STPG2: variants seen among roughly 807,000 people sequenced by gnomAD.
The protein encoded by STPG2 is sperm-tail PG-rich repeat-containing protein 2.
STPG2 carries 56 observed loss-of-function variants against 54.2 expected under a neutral mutation model. That is an observed-to-expected ratio of 1.03 (90% CI 0.83 to 1.29). The LOEUF (loss-of-function observed/expected upper bound fraction) is 1.29, where lower values mean the gene tolerates loss of function less well. STPG2 is among the 50% of genes most tolerant of loss of function. The pLI is 0.00. For synonymous variants in STPG2, 200 were observed against 181.8 expected (o/e 1.10, Z -0.81); for missense variants, 596 against 544.9 (o/e 1.09, Z -0.93).
intron 8 of STPG2, among the ~76,000 whole-genome samples, chr4:97,906,544 C>A (rs1419394882): frequency 1.3e-5 from 2 of 152,128 alleles, no homozygotes; most frequent in African/African-American, 2.4e-5. Context: ...GATACCAAAG[C>A]CTGGCAGAGA....
At chr4:97,529,253 T>C (rs552392301) in intron 4 of STPG2, among the ~76,000 whole-genome samples, 1 of 152,332 alleles carries the variant, frequency 6.6e-6, no homozygotes, top group Admixed American at 6.5e-5. Flanking sequence ...GTGATTTTTG[T>C]CATTGGTTCT....
At chr4:97,974,476 G>T (rs1231206411) in intron 6 of STPG2, among the ~76,000 whole-genome samples, 1 of 152,192 alleles carries the variant, frequency 6.6e-6, no homozygotes, top group East Asian at 1.9e-4. Context: ...GGGGCCCAGG[G>T]TAGAATGATA....
intron 4 of STPG2, among the ~76,000 whole-genome samples, chr4:97,453,797 C>T (rs1729440215): frequency 6.6e-6 from 1 of 152,146 alleles, no homozygotes; most frequent in Admixed American, 6.5e-5. Flanking sequence ...TCAGTCCTGG[C>T]ACCACGCTCA....
intron 10 of STPG2, among the ~76,000 whole-genome samples, chr4:97,603,651 A>G (rs1421067264): frequency 6.6e-6 from 1 of 151,594 alleles, no homozygotes; most frequent in African/African-American, 2.4e-5. Context: ...AAAATGCAAT[A>G]TTATTCAGGA....
At chr4:97,449,503 A>G (rs547148425) in intron 4 of STPG2, among the ~76,000 whole-genome samples, 58 of 152,214 alleles carry the variant, frequency 3.8e-4, no homozygotes, top group Non-Finnish European at 7.1e-4. Context: ...TGCTGTGAGG[A>G]ATGTCCAACA....
At position 97,853,071 on chromosome 4, in the gene STPG2, G is replaced by T. The variant is rs557290241; in HGVS notation, c.1045-12139C>A. The stretch of plus-strand genomic sequence containing the variant: ...GGCTCACTGCAAGCTCTGCCTCCCG[G>T]GTTCACGCCATTCCCCTGCCTCATC... On this transcript the variant is annotated intron_variant, in intron 8 of 10. Transcript: ENST00000295268. Among the ~76,000 whole-genome samples the T allele has an allele frequency of 2.3e-4, 33 of 142,094 alleles. No individual in the cohort carries two copies. The East Asian group carries it at 7.3e-3, about 31-fold the overall frequency. 93.2% of individuals were successfully genotyped at this position (142,094 alleles called of 152,430 possible).
chr4:97,490,655 C>T (rs1730484231), intron 4 of STPG2, among the ~76,000 whole-genome samples: 1 of 151,640 alleles, frequency 6.6e-6, no homozygotes, highest in South Asian at 2.1e-4. Flanking sequence ...AGTTAAAGTA[C>T]TGTCTGCATG....
intron 8 of STPG2, among the ~76,000 whole-genome samples, chr4:97,867,799 C>T (rs1729846585): frequency 6.6e-6 from 1 of 151,970 alleles, no homozygotes; most frequent in African/African-American, 2.4e-5. Flanking sequence ...AAAATGGATA[C>T]TTCATTTTAT....
rs561885168 is a variant in STPG2, at chr4:97,866,917, A to AG, written c.1045-25986_1045-25985insC. Among the ~76,000 whole-genome samples, 68 of 151,932 alleles carry AG rather than the reference A, an allele frequency of 4.5e-4. No individual in the cohort carries two copies. In the South Asian group the frequency reaches 0.013, roughly 28 times the overall value. On this transcript the variant is annotated intron_variant, in intron 8 of 10. Coordinates refer to ENST00000295268, the MANE Select transcript of STPG2 (RefSeq NM_174952.3). ...CTGACAGTTGCAGCAAGGTAAAAAA[A>AG]ACTTGGGCATTTGGCTTCCTGATCA...
At chr4:97,966,091 A>G (rs927162352) in intron 7 of STPG2, among the ~76,000 whole-genome samples, 1 of 152,184 alleles carries the variant, frequency 6.6e-6, no homozygotes, top group Non-Finnish European at 1.5e-5. Context: ...GAGCTAAAGG[A>G]GCATGTTTGA....
intron 9 of STPG2, among the ~76,000 whole-genome samples, chr4:97,778,252 C>T (rs979345004): frequency 2.0e-5 from 3 of 152,166 alleles, no homozygotes; most frequent in African/African-American, 4.8e-5. Context: ...GCAAAGGGCA[C>T]AAGAGGAGAT....
intron 9 of STPG2, among the ~76,000 whole-genome samples, chr4:97,759,667 A>G (rs1725832683): frequency 6.6e-6 from 1 of 152,104 alleles, no homozygotes; most frequent in African/African-American, 2.4e-5. Context: ...TTCATATAAA[A>G]CTGAAAAAAT....
chr4:97,664,704 T>A (rs909033005), intron 10 of STPG2, among the ~76,000 whole-genome samples: 7 of 152,060 alleles, frequency 4.6e-5, no homozygotes, highest in Admixed American at 2.0e-4. Context: ...TACCTCAGTA[T>A]CTCCTATGAT....
At chr4:97,672,677 A>G (rs562296152) in intron 10 of STPG2, among the ~76,000 whole-genome samples, 62 of 152,294 alleles carry the variant, frequency 4.1e-4, no homozygotes, top group Non-Finnish European at 7.1e-4. Context: ...TATAGGGTCA[A>G]AGGAAAGGAC....
intron 8 of STPG2, among the ~76,000 whole-genome samples, chr4:97,890,081 C>T (rs142724697): frequency 1.2e-3 from 183 of 152,178 alleles, no homozygotes; most frequent in African/African-American, 4.2e-3. Context: ...AAAGAGTAAT[C>T]TTTTTCTAGC....
intron 8 of STPG2, among the ~76,000 whole-genome samples, chr4:97,874,545 AGTGATCTGCTT>A (rs752594980): frequency 6.6e-6 from 1 of 151,826 alleles, no homozygotes; most frequent in Non-Finnish European, 1.5e-5. Flanking sequence ...ACGTGGAAAC[AGTGATCTGCTT>A]TCTAGGGCTA....
chr4:97,916,329 C>G (rs1731873928), intron 8 of STPG2: 1 of 152,536 alleles, frequency 6.6e-6, no homozygotes, highest in South Asian at 2.1e-4. Flanking sequence ...GACATGTTAA[C>G]TTTGCTGCTG....
intron 5 of STPG2, among the ~76,000 whole-genome samples, chr4:98,103,447 G>T (rs1739102403): frequency 6.6e-6 from 1 of 151,938 alleles, no homozygotes; most frequent in Non-Finnish European, 1.5e-5. Flanking sequence ...TTCGAGACCA[G>T]CCTGACCAAC....
In STPG2 at chr4:97,587,265, T is replaced by C. The variant is rs191864227; in HGVS notation, c.1321-28148A>G. Among the ~76,000 whole-genome samples, 46 of 152,098 alleles carry C rather than the reference T, an allele frequency of 3.0e-4. No homozygotes were observed. In the East Asian group the frequency reaches 5.6e-3, roughly 18 times the overall value. On this transcript the variant is annotated intron_variant, in intron 10 of 10. Transcript: ENST00000295268. ...ATTTCAAATATTAAAGTAATTATTA[T>C]GCAAAGCATTTTTTAAAGCTCTGAT... is the stretch of plus-strand genomic sequence containing the variant.
Sources: allele counts gnomAD v4.1 joint callset (sites outside exome capture counted in the v4.1 genomes callset), GRCh38; gene constraint gnomAD v4.1.1; transcripts MANE v1.5; gene names NCBI Gene and HGNC (gene_info 2026-07-23, HGNC 2026-07-21).